Variants in MYH15 observed in about 807,000 individuals in gnomAD.
MYH15 encodes the protein myosin-15.
In MYH15, 227 loss-of-function variants were observed where a neutral mutation model predicts 240.5. The ratio of observed to expected loss-of-function variants is 0.94; its 90% CI spans 0.85 to 1.05. The LOEUF is 1.05. MYH15 is among the 50% of genes least tolerant of loss of function. The pLI is 0.00. For missense variants in MYH15, 2,217 were observed against 2,247.5 expected, an observed-to-expected ratio of 0.99 and a Z score of 0.27; for synonymous variants, 785 against 796.7, an observed-to-expected ratio of 0.99 and a Z score of 0.25.
chr3:108,451,151 A>G (rs375952593), intron 21 of MYH15, among the ~76,000 whole-genome samples: 1 of 152,194 alleles, frequency 6.6e-6, no homozygotes, highest in East Asian at 1.9e-4. Flanking sequence ...AGGCCAAGGC[A>G]GGCAGATCAC....
chr3:108,512,448 T>G (rs890732422), upstream of MYH15, among the ~76,000 whole-genome samples: 5 of 152,138 alleles, frequency 3.3e-5, no homozygotes, highest in South Asian at 1.0e-3. Flanking sequence ...TGGGTCCTCC[T>G]CCTCTCTGTA....
chr3:108,422,159 G>C (rs191692411), intron 27 of MYH15, among the ~76,000 whole-genome samples: 83 of 151,804 alleles, frequency 5.5e-4, no homozygotes, highest in Admixed American at 2.2e-3. Flanking sequence ...GTCTTCCATG[G>C]TTCTACAGAT....
intron 1 of MYH15, among the ~76,000 whole-genome samples, chr3:108,515,931 C>T (rs1471893815): frequency 2.0e-5 from 3 of 152,116 alleles, no homozygotes; most frequent in Non-Finnish European, 4.4e-5. Flanking sequence ...AGATGGTGAT[C>T]GCTCCTGAAA....
intron 21 of MYH15, among the ~76,000 whole-genome samples, chr3:108,452,449 A>G (rs1352163359): frequency 6.6e-6 from 1 of 152,182 alleles, no homozygotes; most frequent in East Asian, 1.9e-4. Context: ...TGATAAATAA[A>G]TTATGATATA....
At chr3:108,511,856 G>A (rs2083524794), upstream of MYH15, among the ~76,000 whole-genome samples, 1 of 152,160 alleles carries the variant, frequency 6.6e-6, no homozygotes, top group Admixed American at 6.5e-5. Flanking sequence ...GTGGTGGCTT[G>A]GATAGGTATA....
chr3:108,538,198 T>A, the MYH15 span, among the ~76,000 whole-genome samples: 1 of 152,222 alleles, frequency 6.6e-6, no homozygotes, highest in Non-Finnish European at 1.5e-5. Flanking sequence ...GACAAACTCC[T>A]CCTTTCCTGA....
chr3:108,406,558 C>T (rs1338389719), intron 32 of MYH15, among the ~76,000 whole-genome samples: 3 of 152,158 alleles, frequency 2.0e-5, no homozygotes, highest in Admixed American at 2.0e-4. Flanking sequence ...CTCTAACCCT[C>T]TAAAATGCAC....
chr3:108,548,396 T>A, the MYH15 span, among the ~76,000 whole-genome samples: 3 of 152,142 alleles, frequency 2.0e-5, no homozygotes, highest in African/African-American at 7.2e-5. Context: ...AAGACATTTC[T>A]TAATAAGTAA....
chr3:108,499,600 C>T, intron 4 of MYH15, 118 bp from the exon 5 acceptor site: 2 of 986,518 alleles, frequency 2.0e-6, no homozygotes, highest in South Asian at 2.9e-5. Context: ...AAAGGATTAG[C>T]ATCATTTATA....
chr3:108,465,252 GAGA>G (rs1267756916), intron 14 of MYH15, among the ~76,000 whole-genome samples: 1 of 152,208 alleles, frequency 6.6e-6, no homozygotes, highest in African/African-American at 2.4e-5. Flanking sequence ...ACAACAAGCT[GAGA>G]AGATCTGTGC....
At chr3:108,507,414 C>A (rs2083487321) in intron 1 of MYH15, among the ~76,000 whole-genome samples, 2 of 149,264 alleles carry the variant, frequency 1.3e-5, no homozygotes, top group East Asian at 3.9e-4. Flanking sequence ...GAAAACCCCA[C>A]TATAACCACA....
chr3:108,538,252 G>A, the MYH15 span, among the ~76,000 whole-genome samples: 2 of 152,178 alleles, frequency 1.3e-5, no homozygotes, highest in Non-Finnish European at 2.9e-5. Flanking sequence ...GCCAGACTGA[G>A]CTTCCAGTTT....
chr3:108,485,052 G>GA (rs1560417586), intron 11 of MYH15, 39 bp downstream of exon 11: 5 of 1,605,178 alleles, frequency 3.1e-6, no homozygotes, highest in Non-Finnish European at 2.6e-6. Context: ...TGGGCCCAGA[G>GA]ATTTGAAGTA....
In MYH15 at chr3:108,460,321, T is replaced by C; in HGVS notation, c.1911A>G (p.Gln637=). Residue 637 remains glutamine (Q), a synonymous_variant, in exon 17 of 41, where the codon CAA becomes CAG. Transcript: ENST00000693548. ...EKKRKKGASF[Q]TVASLHKENL... is the part of the protein sequence containing the mutation. ...TTACTTTATGCAGAGATGCAACCGTTTGGAATGAAGCTCCTTTCTTTCGTT... is the reference window on the plus strand; with the variant it reads ...TTACTTTATGCAGAGATGCAACCGTCTGGAATGAAGCTCCTTTCTTTCGTT... The C allele has an allele frequency of 6.2e-7, 1 of 1,602,924 alleles. No individual in the cohort carries two copies. Among genetic ancestry groups the C allele is most frequent in the Non-Finnish European group, 8.5e-7 (1 of 1,174,484 alleles).
At chr3:108,483,420 A>C (rs1208108383) in intron 11 of MYH15, among the ~76,000 whole-genome samples, 2 of 151,978 alleles carry the variant, frequency 1.3e-5, no homozygotes, top group Non-Finnish European at 2.9e-5. Context: ...CTACTATAAA[A>C]AAAAAAAACC....
At chr3:108,499,331 A>G (rs1051602336) in intron 5 of MYH15, 124 bp downstream of exon 5, 1 of 964,506 alleles carries the variant, frequency 1.0e-6, no homozygotes, top group East Asian at 2.4e-5. Flanking sequence ...CCTCAAATGT[A>G]TTGCATCTAA....
chr3:108,455,690 T>C (rs3957557), intron 20 of MYH15, 46 bp downstream of exon 20: 431,768 of 1,593,592 alleles, frequency 0.27, 65,742 homozygotes, highest in Non-Finnish European at 0.31. Flanking sequence ...TACACAGTCT[T>C]CCCCCCATTC....
At chr3:108,444,109 G>A (rs2107570963) in intron 22 of MYH15, among the ~76,000 whole-genome samples, 1 of 150,586 alleles carries the variant, frequency 6.6e-6, no homozygotes, top group South Asian at 2.1e-4. Context: ...TAACTAACCT[G>A]CATATTGTGC....
chr3:108,478,024 T>A (rs761271429), intron 11 of MYH15, among the ~76,000 whole-genome samples: 18 of 152,158 alleles, frequency 1.2e-4, no homozygotes, highest in Non-Finnish European at 2.1e-4. Context: ...TGCTAGTATG[T>A]CTGGCATAGT....
Sources: gnomAD v4.1 joint callset for allele counts (sites outside exome capture counted in the v4.1 genomes callset) on GRCh38, gnomAD v4.1.1 for gene constraint, MANE v1.5 for transcripts, NCBI Gene and HGNC (gene_info 2026-07-23, HGNC 2026-07-21) for gene names.